Variants in DDX60 observed in about 807,000 individuals in gnomAD.
DDX60 encodes the protein probable ATP-dependent RNA helicase DDX60.
In DDX60, 165 loss-of-function variants were observed where a neutral mutation model predicts 212.8. The ratio of observed to expected loss-of-function variants is 0.78; its 90% CI spans 0.68 to 0.88. DDX60 has a LOEUF of 0.88. DDX60 is among the 40% of genes least tolerant of loss of function. The pLI is 0.00. For missense variants in DDX60, 1,905 were observed against 2,003.9 expected (o/e 0.95, Z 0.94); for synonymous variants, 703 against 685.3 (o/e 1.03, Z -0.40).
At chr4:168,312,042 GC>G (rs1737156887) in intron 1 of DDX60, among the ~76,000 whole-genome samples, 1 of 152,156 alleles carries the variant, frequency 6.6e-6, no homozygotes, top group Non-Finnish European at 1.5e-5. Flanking sequence ...TTTGATGGTA[GC>G]TGAGATAATA....
upstream of DDX60, among the ~76,000 whole-genome samples, chr4:168,320,916 C>T (rs1038687040): frequency 1.3e-5 from 2 of 152,190 alleles, no homozygotes; most frequent in Admixed American, 6.5e-5. Context: ...TTCTCTATTA[C>T]ATAATTTCAT....
intron 34 of DDX60, 80 bp from the exon 35 acceptor site, chr4:168,224,465 G>T: frequency 7.2e-7 from 1 of 1,380,404 alleles, no homozygotes. Flanking sequence ...TCTAGACCAT[G>T]TTACAAGGGG....
At chr4:168,239,607 T>C (rs1733767395) in intron 30 of DDX60, among the ~76,000 whole-genome samples, 1 of 152,076 alleles carries the variant, frequency 6.6e-6, no homozygotes, top group South Asian at 2.1e-4. Context: ...GGCTTCACTA[T>C]GTAATGTTAG....
chr4:168,312,702 T>C (rs1452031337), intron 1 of DDX60, among the ~76,000 whole-genome samples: 3 of 85,120 alleles, frequency 3.5e-5, no homozygotes, highest in Non-Finnish European at 6.9e-5. Flanking sequence ...TTGATTGATA[T>C]AGATAGATAT....
chr4:168,251,413 T>C (rs1031979881), intron 27 of DDX60, among the ~76,000 whole-genome samples: 1 of 152,226 alleles, frequency 6.6e-6, no homozygotes, highest in African/African-American at 2.4e-5. Context: ...GGGATATCAG[T>C]TGGCTATTGG....
chr4:168,250,139 G>A (rs1734163636), intron 28 of DDX60, among the ~76,000 whole-genome samples: 1 of 152,186 alleles, frequency 6.6e-6, no homozygotes, highest in South Asian at 2.1e-4. Flanking sequence ...AGTTATTTTA[G>A]TATTCCTTTT....
intron 1 of DDX60, among the ~76,000 whole-genome samples, chr4:168,317,462 G>T (rs1382784135): frequency 6.6e-6 from 1 of 151,708 alleles, no homozygotes; most frequent in Non-Finnish European, 1.5e-5. Flanking sequence ...CAAAGGGGAG[G>T]TAAAGAGGAA....
chr4:168,241,109 G>T (rs1009279983), intron 30 of DDX60, among the ~76,000 whole-genome samples: 14 of 152,186 alleles, frequency 9.2e-5, no homozygotes, highest in Non-Finnish European at 1.9e-4. Context: ...TTTGCCTGCT[G>T]CCATCCATTG....
intron 6 of DDX60, among the ~76,000 whole-genome samples, chr4:168,296,344 A>T (rs1736342612): frequency 6.6e-6 from 1 of 152,094 alleles, no homozygotes; most frequent in Non-Finnish European, 1.5e-5. Context: ...GAACTACCTA[A>T]GGGGACAATT....
intron 19 of DDX60, among the ~76,000 whole-genome samples, chr4:168,271,325 A>G (rs1203767441): frequency 6.6e-6 from 1 of 152,176 alleles, no homozygotes; most frequent in Non-Finnish European, 1.5e-5. Context: ...AAGGACTCTT[A>G]TGATTTCTGG....
chr4:168,243,019 A>T (rs2149499874), intron 30 of DDX60, among the ~76,000 whole-genome samples: 1 of 152,312 alleles, frequency 6.6e-6, no homozygotes, highest in South Asian at 2.1e-4. Context: ...TTTTAAAAAG[A>T]GGAGTTCCCT....
chr4:168,221,720 G>T lies in DDX60; in HGVS notation c.4976+10C>A. On this transcript the variant is annotated intron_variant, in intron 36 of 37. Coordinates refer to ENST00000393743, the MANE Select transcript of DDX60 (RefSeq NM_017631.6). Reference sequence around the variant, plus strand: ...GGACAGAGAAACAGAGACAGACAGAGAGGACATACCTGTTATCCTGGACTA... The same window carrying T: ...GGACAGAGAAACAGAGACAGACAGATAGGACATACCTGTTATCCTGGACTA... 1 of 1,587,890 alleles carries T rather than the reference G, an allele frequency of 6.3e-7. No homozygotes were observed. Among genetic ancestry groups the T allele is most frequent in the Non-Finnish European group, 8.6e-7 (1 of 1,160,702 alleles).
At chr4:168,246,835 A>G (rs1483226892) in intron 29 of DDX60, among the ~76,000 whole-genome samples, 1 of 152,180 alleles carries the variant, frequency 6.6e-6, no homozygotes, top group Admixed American at 6.5e-5. Context: ...TTACGTACGT[A>G]TTTCATGCCA....
At chr4:168,324,300 G>A in the DDX60 span, among the ~76,000 whole-genome samples, 3 of 152,142 alleles carry the variant, frequency 2.0e-5, no homozygotes, top group Non-Finnish European at 4.4e-5. Flanking sequence ...CAACACAATG[G>A]TGTACAGTAC....
In DDX60 at chr4:168,248,111, C is replaced by G. The variant is rs1475571471; in HGVS notation, c.3963+77G>C. On this transcript the variant is annotated intron_variant, in intron 29 of 37. Coordinates refer to ENST00000393743, the MANE Select transcript of DDX60 (RefSeq NM_017631.6). ...CTGTGAATTGTGGCATGTTTGTAAA[C>G]TAAAGGTTCACATGTTTTACTACGC... is the stretch of plus-strand genomic sequence containing the variant. 3.2e-6 allele frequency: 3 copies of G among 925,024 alleles called. No individual in the cohort carries two copies. The Admixed American group carries it at 7.9e-5, about 24-fold the overall frequency. 57.3% of individuals were successfully genotyped at this position (925,024 alleles called of 1,614,324 possible).
At chr4:168,320,329 G>A (rs76957633), upstream of DDX60, among the ~76,000 whole-genome samples, 173 of 152,308 alleles carry the variant, frequency 1.1e-3, 3 homozygotes, top group East Asian at 0.02. Context: ...ACAGGAGTTC[G>A]AGGGGCAATG....
At chr4:168,222,611 T>A (rs1362701734) in intron 35 of DDX60, among the ~76,000 whole-genome samples, 1 of 152,112 alleles carries the variant, frequency 6.6e-6, no homozygotes, top group African/African-American at 2.4e-5. Context: ...TTATTAAAAT[T>A]TAATAATTTG....
chr4:168,266,284 T>C (rs1159893918), intron 22 of DDX60, among the ~76,000 whole-genome samples: 2 of 152,216 alleles, frequency 1.3e-5, no homozygotes, highest in African/African-American at 4.8e-5. Context: ...TTTTAGAACA[T>C]GAAGTAAGTG....
chr4:168,275,428 G>C lies in DDX60; in HGVS notation c.2221C>G (p.Gln741Glu), dbSNP rs2149521542. ...CGTATCAAATAATGGCCCATGTATT[G>C]CAGTTGGAACCGAGCTGGCCCAATG... ...VGIGPARFQL[Q>E]YMGHYLIRDE... The change falls in exon 16 of 38, where the codon CAA (glutamine) becomes GAA (glutamate). Residue 741 changes from glutamine (Q) to glutamate (E), a missense_variant. Transcript: ENST00000393743. The C allele has an allele frequency of 6.2e-7, 1 of 1,612,850 alleles. No individual in the cohort carries two copies. Among genetic ancestry groups the C allele is most frequent in the Non-Finnish European group, 8.5e-7 (1 of 1,179,408 alleles).
Sources: gnomAD v4.1 joint callset for allele counts (sites outside exome capture counted in the v4.1 genomes callset) on GRCh38, gnomAD v4.1.1 for gene constraint, MANE v1.5 for transcripts, NCBI Gene and HGNC (gene_info 2026-07-23, HGNC 2026-07-21) for gene names.